CNTN5: variants seen among roughly 807,000 people sequenced by gnomAD.
CNTN5 encodes contactin-5.
Under a neutral mutation model 129.1 loss-of-function variants are expected in CNTN5, and 77 were observed. The observed-to-expected ratio is 0.60, with a 90% confidence interval of 0.50 to 0.72. The LOEUF (loss-of-function observed/expected upper bound fraction) is 0.72, where lower values mean the gene tolerates loss of function less well. Ranked by LOEUF, CNTN5 falls within the 30% of genes least tolerant of loss-of-function variation. The probability of loss-of-function intolerance (pLI) is 0.00; values close to 1 mark genes in which losing one functional copy is unlikely to be tolerated. For synonymous variants in CNTN5, 509 were observed against 465.6 expected (o/e 1.09, Z -1.20); for missense variants, 1,478 against 1,328.8 (o/e 1.11, Z -1.75).
At chr11:99,758,509 G>T (rs1944475016) in intron 3 of CNTN5, among the ~76,000 whole-genome samples, 2 of 151,986 alleles carry the variant, frequency 1.3e-5, no homozygotes, top group Non-Finnish European at 2.9e-5. Context: ...AATATGCAAA[G>T]ATGATTGAAA....
intron 1 of CNTN5, among the ~76,000 whole-genome samples, chr11:99,064,051 T>G (rs1469143080): frequency 6.6e-6 from 1 of 152,124 alleles, no homozygotes; most frequent in Non-Finnish European, 1.5e-5. Flanking sequence ...TACTGGATAA[T>G]GTTAATTGCT....
intron 7 of CNTN5, among the ~76,000 whole-genome samples, chr11:99,945,597 C>G (rs1199714980): frequency 6.7e-6 from 1 of 150,138 alleles, no homozygotes; most frequent in African/African-American, 2.4e-5. Flanking sequence ...ACTTTTTTTT[C>G]TGAAATTTCC....
At chr11:99,460,128 A>G (rs1944639698) in intron 2 of CNTN5, among the ~76,000 whole-genome samples, 1 of 151,956 alleles carries the variant, frequency 6.6e-6, no homozygotes, top group Admixed American at 6.6e-5. Context: ...CCAAATAAAG[A>G]ATGTCGTGCT....
intron 1 of CNTN5, among the ~76,000 whole-genome samples, chr11:99,279,230 T>A (rs1863585957): frequency 6.6e-6 from 1 of 151,784 alleles, no homozygotes; most frequent in Admixed American, 6.6e-5. Context: ...GTTTCTATTG[T>A]TACTGAACTC....
At chr11:99,701,397 T>A (rs1430762034) in intron 3 of CNTN5, among the ~76,000 whole-genome samples, 1 of 151,224 alleles carries the variant, frequency 6.6e-6, no homozygotes, top group Non-Finnish European at 1.5e-5. Flanking sequence ...CAATAGGTAA[T>A]AGAATACAAG....
intron 1 of CNTN5, among the ~76,000 whole-genome samples, chr11:99,188,032 A>G (rs774931307): frequency 3.3e-5 from 5 of 151,864 alleles, no homozygotes; most frequent in Admixed American, 6.6e-5. Flanking sequence ...AAAACTTGGC[A>G]TATAGTAACA....
intron 3 of CNTN5, among the ~76,000 whole-genome samples, chr11:99,811,215 A>G (rs1946418819): frequency 6.6e-6 from 1 of 152,042 alleles, no homozygotes; most frequent in Admixed American, 6.6e-5. Flanking sequence ...CAGTTTTATC[A>G]ATCAATATTT....
intron 21 of CNTN5, chr11:100,337,388 G>A (rs1248121273): frequency 8.9e-6 from 7 of 785,200 alleles, no homozygotes; most frequent in Admixed American, 1.7e-5. Context: ...TCAGCAGAGA[G>A]AGCACCTATC....
At chr11:99,638,033 T>TCAGCAG (rs1457124140) in intron 3 of CNTN5, among the ~76,000 whole-genome samples, 1 of 151,812 alleles carries the variant, frequency 6.6e-6, no homozygotes, top group Non-Finnish European at 1.5e-5. Flanking sequence ...CTTAAGATTA[T>TCAGCAG]TGTATTTGTT....
intron 1 of CNTN5, among the ~76,000 whole-genome samples, chr11:99,186,857 A>C (rs1039346545): frequency 1.3e-5 from 2 of 152,018 alleles, no homozygotes; most frequent in African/African-American, 4.8e-5. Context: ...CTGCAAGAGT[A>C]GCTGATTGCC....
intron 3 of CNTN5, among the ~76,000 whole-genome samples, chr11:99,643,147 G>T (rs1250394861): frequency 1.3e-5 from 2 of 152,208 alleles, no homozygotes; most frequent in East Asian, 3.9e-4. Context: ...ACAAAACTTA[G>T]AAATACTCCT....
At chr11:99,864,360 A>G (rs1412598563) in intron 6 of CNTN5, among the ~76,000 whole-genome samples, 3 of 151,946 alleles carry the variant, frequency 2.0e-5, no homozygotes, top group South Asian at 4.2e-4. Flanking sequence ...ACTCTCTGCT[A>G]TCGTCCTGCC....
chr11:99,342,457 A>G (rs1445980401), intron 2 of CNTN5, among the ~76,000 whole-genome samples: 1 of 151,314 alleles, frequency 6.6e-6, no homozygotes, highest in African/African-American at 2.4e-5. Flanking sequence ...GCAGGCAAAC[A>G]GGCGTAGTGA....
intron 1 of CNTN5, among the ~76,000 whole-genome samples, chr11:99,202,746 G>T (rs1339081291): frequency 6.6e-6 from 1 of 150,934 alleles, no homozygotes; most frequent in African/African-American, 2.4e-5. Flanking sequence ...AAACATTGTG[G>T]TATGTTTTTA....
intron 13 of CNTN5, among the ~76,000 whole-genome samples, chr11:100,187,755 G>A (rs1410168376): frequency 6.6e-6 from 1 of 152,202 alleles, no homozygotes; most frequent in Admixed American, 6.5e-5. Context: ...AATGAAACTG[G>A]ACCCCTACCT....
intron 6 of CNTN5, among the ~76,000 whole-genome samples, chr11:99,888,218 C>T (rs1409170193): frequency 6.6e-6 from 1 of 152,182 alleles, no homozygotes; most frequent in South Asian, 2.1e-4. Flanking sequence ...TAGATGCTTA[C>T]TCTTCTATTT....
At chr11:99,445,329 A>G (rs1389387050) in intron 2 of CNTN5, among the ~76,000 whole-genome samples, 17 of 152,094 alleles carry the variant, frequency 1.1e-4, no homozygotes, top group Admixed American at 1.1e-3. Flanking sequence ...TAAGTTTATA[A>G]TAAATACTAC....
At chr11:99,062,643 A>G (rs1009580003) in intron 1 of CNTN5, among the ~76,000 whole-genome samples, 8 of 150,770 alleles carry the variant, frequency 5.3e-5, no homozygotes, top group South Asian at 2.1e-4. Flanking sequence ...GGATAACACT[A>G]TCAGTCTACC....
chr11:99,639,500 T>G (rs1009896679), intron 3 of CNTN5, among the ~76,000 whole-genome samples: 10 of 152,088 alleles, frequency 6.6e-5, no homozygotes, highest in Admixed American at 3.3e-4. Flanking sequence ...TTTTCCAAAC[T>G]TGTATGCTCT....
Sources: allele counts gnomAD v4.1 joint callset (sites outside exome capture counted in the v4.1 genomes callset), GRCh38; gene constraint gnomAD v4.1.1; transcripts MANE v1.5; gene names NCBI Gene and HGNC (gene_info 2026-07-23, HGNC 2026-07-21).